ULK4: variants seen among roughly 807,000 people sequenced by gnomAD.
ULK4 encodes the protein inactive serine/threonine-protein kinase ULK4.
Under a neutral mutation model 160.6 loss-of-function variants are expected in ULK4, and 133 were observed. That is an observed-to-expected ratio of 0.83 (90% CI 0.72 to 0.96). ULK4 has a LOEUF of 0.96. ULK4 is among the 40% of genes least tolerant of loss of function. The pLI, the probability that ULK4 is intolerant of heterozygous loss-of-function variation, is 0.00. For missense variants in ULK4, 1,580 were observed against 1,499.5 expected (o/e 1.05, Z -0.89); for synonymous variants, 534 against 539.8 (o/e 0.99, Z 0.15).
At chr3:41,581,354 T>C (rs1479394867) in intron 31 of ULK4, among the ~76,000 whole-genome samples, 2 of 152,152 alleles carry the variant, frequency 1.3e-5, no homozygotes, top group South Asian at 2.1e-4. Flanking sequence ...ACACAATGAA[T>C]GGATTATAGC....
intron 35 of ULK4, among the ~76,000 whole-genome samples, chr3:41,284,036 CAAA>C (rs2079414174): frequency 6.6e-6 from 1 of 151,996 alleles, no homozygotes; most frequent in Non-Finnish European, 1.5e-5. Context: ...AAGACCTCTA[CAAA>C]GAAAACTACA....
chr3:41,807,372 G>A (rs2040678126), intron 19 of ULK4, among the ~76,000 whole-genome samples: 1 of 152,006 alleles, frequency 6.6e-6, no homozygotes, highest in South Asian at 2.1e-4. Context: ...TTTTTACATT[G>A]CTTGGTTTGT....
At chr3:41,548,643 C>G (rs2086950997) in intron 32 of ULK4, among the ~76,000 whole-genome samples, 1 of 152,018 alleles carries the variant, frequency 6.6e-6, no homozygotes. Context: ...GTACACTACC[C>G]AGAGGCAAAA....
chr3:41,385,037 G>GA (rs1000796766), intron 35 of ULK4, among the ~76,000 whole-genome samples: 1 of 151,936 alleles, frequency 6.6e-6, no homozygotes, highest in African/African-American at 2.4e-5. Flanking sequence ...CTGAACAACA[G>GA]AGAGACCTTG....
At chr3:41,812,405 A>G (rs2040844558) in intron 19 of ULK4, among the ~76,000 whole-genome samples, 1 of 152,196 alleles carries the variant, frequency 6.6e-6, no homozygotes, top group Non-Finnish European at 1.5e-5. Context: ...TTAGAGTGAA[A>G]AACTTTTGGT....
chr3:41,342,207 C>T (rs2125751776), intron 35 of ULK4, among the ~76,000 whole-genome samples: 1 of 152,244 alleles, frequency 6.6e-6, no homozygotes, highest in Non-Finnish European at 1.5e-5. Flanking sequence ...TGCATAGCAA[C>T]AGGCAAACAC....
At chr3:41,565,323 G>A (rs756764233) in intron 32 of ULK4, among the ~76,000 whole-genome samples, 2 of 152,144 alleles carry the variant, frequency 1.3e-5, no homozygotes, top group Admixed American at 6.5e-5. Context: ...TTTCCAAGGC[G>A]CTTTTGGTCA....
intron 19 of ULK4, among the ~76,000 whole-genome samples, chr3:41,814,671 T>C (rs554658332): frequency 1.2e-4 from 19 of 152,154 alleles, no homozygotes; most frequent in Non-Finnish European, 2.8e-4. Context: ...TTAGATACAT[T>C]AAAATTTTAG....
At chr3:41,513,524 T>C (rs920276427) in intron 32 of ULK4, among the ~76,000 whole-genome samples, 1 of 152,154 alleles carries the variant, frequency 6.6e-6, no homozygotes, top group Non-Finnish European at 1.5e-5. Flanking sequence ...TCCCAGCTAC[T>C]TGGGAGGCTG....
At chr3:41,611,296 CA>C (rs1405430538) in intron 31 of ULK4, among the ~76,000 whole-genome samples, 2 of 152,198 alleles carry the variant, frequency 1.3e-5, no homozygotes, top group Non-Finnish European at 2.9e-5. Context: ...AGGTCTCACC[CA>C]GGGGGCTCTG....
At chr3:41,290,960 G>A (rs1427247598) in intron 35 of ULK4, among the ~76,000 whole-genome samples, 2 of 152,244 alleles carry the variant, frequency 1.3e-5, no homozygotes, top group African/African-American at 4.8e-5. Flanking sequence ...ACAGGCAGTT[G>A]CCTGGGAATT....
intron 35 of ULK4, among the ~76,000 whole-genome samples, chr3:41,307,241 C>T (rs1230638966): frequency 6.6e-6 from 1 of 151,702 alleles, no homozygotes; most frequent in African/African-American, 2.4e-5. Context: ...ACCCATGCGG[C>T]TACTCGGCCT....
chr3:41,649,795 G>C (rs2034665882), intron 30 of ULK4, among the ~76,000 whole-genome samples: 1 of 152,240 alleles, frequency 6.6e-6, no homozygotes, highest in Admixed American at 6.5e-5. Context: ...GAAGAGGGAG[G>C]ATTCCCAGTG....
intron 34 of ULK4, among the ~76,000 whole-genome samples, chr3:41,429,006 C>T (rs1394680994): frequency 6.6e-6 from 1 of 151,658 alleles, no homozygotes; most frequent in Non-Finnish European, 1.5e-5. Context: ...TCAATCTATC[C>T]GTCAGACAAA....
chr3:41,643,887 C>A (rs1343777443), intron 30 of ULK4, among the ~76,000 whole-genome samples: 2 of 152,186 alleles, frequency 1.3e-5, no homozygotes, highest in African/African-American at 4.8e-5. Context: ...GTTTGTAGTT[C>A]TCCTTGAAGA....
chr3:41,938,190 A>C lies in ULK4; in HGVS notation c.146T>G (p.Leu49Arg). The stretch of plus-strand genomic sequence containing the variant: ...ATTCTTGTGTTTTATTTCACGGGTG[A>C]GACGGACCTATAAAAACACAGAGCA... ...KRPEITNWVR[L>R]TREIKHKNIV... Residue 49 changes from leucine to arginine, a missense_variant, in exon 3 of 37, where the codon CTC (leucine) becomes CGC (arginine). Leu to Arg is a moderately radical substitution (Grantham distance 102, BLOSUM62 -2). Transcript: ENST00000301831. 1 of 1,611,912 alleles carries C rather than the reference A, an allele frequency of 6.2e-7. No individual in the cohort carries two copies. Among genetic ancestry groups the C allele is most frequent in the East Asian group, 2.2e-5 (1 of 44,818 alleles).
intron 35 of ULK4, among the ~76,000 whole-genome samples, chr3:41,358,443 G>T (rs2081068321): frequency 6.6e-6 from 1 of 152,194 alleles, no homozygotes; most frequent in South Asian, 2.1e-4. Context: ...TAAATCAGCA[G>T]GCAAAGGATG....
At chr3:41,880,454 T>G (rs1697476872) in intron 17 of ULK4, among the ~76,000 whole-genome samples, 1 of 152,198 alleles carries the variant, frequency 6.6e-6, no homozygotes, top group South Asian at 2.1e-4. Context: ...TAAAATAGAT[T>G]TTTGCTCCAT....
chr3:41,867,265 T>G (rs1403816241), intron 17 of ULK4, among the ~76,000 whole-genome samples: 1 of 152,164 alleles, frequency 6.6e-6, no homozygotes, highest in East Asian at 1.9e-4. Flanking sequence ...CAAAGAATAG[T>G]CCCTAAACCA....
Sources: gnomAD v4.1 joint callset for allele counts (sites outside exome capture counted in the v4.1 genomes callset) on GRCh38, gnomAD v4.1.1 for gene constraint, MANE v1.5 for transcripts, NCBI Gene and HGNC (gene_info 2026-07-23, HGNC 2026-07-21) for gene names.